The following ANO4 variants were observed in gnomAD, a reference collection of about 807,000 sequenced individuals.
ANO4 encodes anoctamin 4, also known as anoctamin-4.
ANO4 carries 69 observed loss-of-function variants against 141.9 expected under a neutral mutation model. That is an observed-to-expected ratio of 0.49 (90% CI 0.40 to 0.59). The LOEUF (loss-of-function observed/expected upper bound fraction) is 0.59, where lower values mean the gene tolerates loss of function less well. ANO4 is among the 20% of genes least tolerant of loss of function. The pLI, the probability that ANO4 is intolerant of heterozygous loss-of-function variation, is 0.00. For missense variants in ANO4, 894 were observed against 1,162.2 expected, an observed-to-expected ratio of 0.77 and a Z score of 3.36; for synonymous variants, 350 against 394.3, an observed-to-expected ratio of 0.89 and a Z score of 1.33.
At chr12:101,095,874 G>A (rs2049962482) in intron 18 of ANO4, among the ~76,000 whole-genome samples, 1 of 152,150 alleles carries the variant, frequency 6.6e-6, no homozygotes, top group South Asian at 2.1e-4. Context: ...TATGTCCAGA[G>A]AACATTTGCT....
intron 25 of ANO4, among the ~76,000 whole-genome samples, chr12:101,120,234 C>T (rs1334981141): frequency 6.6e-6 from 1 of 152,148 alleles, no homozygotes; most frequent in Non-Finnish European, 1.5e-5. Flanking sequence ...AGTGATAGTT[C>T]TGGCAGACAT....
intron 4 of ANO4, among the ~76,000 whole-genome samples, chr12:100,941,865 C>T (rs1189690447): frequency 3.3e-5 from 5 of 151,634 alleles, no homozygotes; most frequent in South Asian, 2.1e-4. Context: ...TTACATTTTG[C>T]GCACTTAACT....
At chr12:101,113,156 G>A (rs576399161) in intron 24 of ANO4, among the ~76,000 whole-genome samples, 1 of 152,160 alleles carries the variant, frequency 6.6e-6, no homozygotes, top group Non-Finnish European at 1.5e-5. Context: ...ATGTGAAGGT[G>A]GAGCCTCGAC....
At chr12:100,949,891 TTTGA>T (rs1314381336) in intron 5 of ANO4, among the ~76,000 whole-genome samples, 1 of 152,196 alleles carries the variant, frequency 6.6e-6, no homozygotes, top group East Asian at 1.9e-4. Flanking sequence ...AAAAACTGTA[TTTGA>T]TTGTCCATCC....
At chr12:101,003,718 T>C (rs79677975) in intron 8 of ANO4, among the ~76,000 whole-genome samples, 3 of 152,062 alleles carry the variant, frequency 2.0e-5, no homozygotes, top group African/African-American at 7.2e-5. Context: ...ATCTATTGTA[T>C]AGTAGGATGA....
chr12:100,879,056 T>C (rs1425058784), intron 1 of ANO4, among the ~76,000 whole-genome samples: 1 of 152,164 alleles, frequency 6.6e-6, no homozygotes, highest in Non-Finnish European at 1.5e-5. Context: ...TTGGGGTACC[T>C]AATACAGGAA....
chr12:100,738,838 A>G (rs1424853914), intron 2 of ANO4, among the ~76,000 whole-genome samples: 1 of 151,688 alleles, frequency 6.6e-6, no homozygotes, highest in East Asian at 1.9e-4. Flanking sequence ...ACTGTTAGCA[A>G]ATTTCCAGTT....
intron 2 of ANO4, among the ~76,000 whole-genome samples, chr12:100,909,595 T>C (rs2041009588): frequency 6.6e-6 from 1 of 152,202 alleles, no homozygotes; most frequent in African/African-American, 2.4e-5. Flanking sequence ...ATAACCTTAT[T>C]ATGCTGAAGA....
chr12:100,763,238 C>T (rs1281734340), intron 3 of ANO4, among the ~76,000 whole-genome samples: 3 of 152,132 alleles, frequency 2.0e-5, no homozygotes, highest in Non-Finnish European at 1.5e-5. Flanking sequence ...CTCCATATGG[C>T]CACAAGGGTC....
At chr12:100,943,241 T>C (rs2042587708) in intron 5 of ANO4, among the ~76,000 whole-genome samples, 1 of 152,240 alleles carries the variant, frequency 6.6e-6, no homozygotes, top group Non-Finnish European at 1.5e-5. Flanking sequence ...AACTGAATTA[T>C]GTAACTCTTC....
intron 14 of ANO4, 35 bp downstream of exon 14, chr12:101,048,436 C>G (rs1367615362): frequency 6.4e-7 from 1 of 1,563,122 alleles, no homozygotes; most frequent in Non-Finnish European, 8.8e-7. Flanking sequence ...TTGAGTTTTC[C>G]TCATATGCCC....
At chr12:100,797,277 CTT>C (rs5800423) in intron 1 of ANO4, among the ~76,000 whole-genome samples, 2 of 136,798 alleles carry the variant, frequency 1.5e-5, no homozygotes, top group Non-Finnish European at 3.2e-5. Flanking sequence ...CTTTAACTGG[CTT>C]TTTTTTTTTT....
At chr12:100,761,426 A>C (rs1192328990) in intron 3 of ANO4, among the ~76,000 whole-genome samples, 2 of 152,230 alleles carry the variant, frequency 1.3e-5, no homozygotes, top group East Asian at 3.8e-4. Flanking sequence ...TTTCCAGAAA[A>C]GGTGGATGGG....
intron 1 of ANO4, among the ~76,000 whole-genome samples, chr12:100,804,277 G>C (rs1381614240): frequency 6.6e-6 from 1 of 152,122 alleles, no homozygotes; most frequent in Non-Finnish European, 1.5e-5. Context: ...AGAAGGACAT[G>C]ATCTTGTTCC....
intron 1 of ANO4, among the ~76,000 whole-genome samples, chr12:100,812,581 T>G (rs1037763408): frequency 2.0e-5 from 3 of 152,104 alleles, no homozygotes; most frequent in Non-Finnish European, 4.4e-5. Context: ...AAAGCAGGAA[T>G]ACAATTAAAT....
At chr12:100,823,228 C>CT (rs925950955) in intron 1 of ANO4, among the ~76,000 whole-genome samples, 17 of 151,340 alleles carry the variant, frequency 1.1e-4, no homozygotes, top group Middle Eastern at 3.4e-3. Context: ...AGCCAAATGA[C>CT]TTTTTTTTTA....
At chr12:100,890,254 A>G (rs550980162) in intron 1 of ANO4, among the ~76,000 whole-genome samples, 2 of 152,352 alleles carry the variant, frequency 1.3e-5, no homozygotes, top group South Asian at 4.1e-4. Flanking sequence ...GAAGTTCCAC[A>G]GCTACTACAA....
At chr12:100,896,812 A>G (rs1257817003) in intron 1 of ANO4, among the ~76,000 whole-genome samples, 1 of 152,216 alleles carries the variant, frequency 6.6e-6, no homozygotes, top group Non-Finnish European at 1.5e-5. Context: ...ATGGGTAAAA[A>G]TGAAGATTGA....
intron 1 of ANO4, among the ~76,000 whole-genome samples, chr12:100,810,575 G>A (rs1306008903): frequency 6.6e-6 from 1 of 152,130 alleles, no homozygotes; most frequent in Non-Finnish European, 1.5e-5. Flanking sequence ...GTCCAGAAAG[G>A]GAGGTGATGA....
Sources: allele counts gnomAD v4.1 joint callset (sites outside exome capture counted in the v4.1 genomes callset), GRCh38; gene constraint gnomAD v4.1.1; transcripts MANE v1.5; gene names NCBI Gene and HGNC (gene_info 2026-07-23, HGNC 2026-07-21).